The following ZNF384 variants were observed in gnomAD, a reference collection of about 807,000 sequenced individuals.
The protein encoded by ZNF384 is zinc finger protein 384, also known as CAG repeat protein 1.
A neutral mutation model predicts 65.0 loss-of-function variants in ZNF384; 20 were observed. The ratio of observed to expected loss-of-function variants is 0.31; its 90% CI spans 0.22 to 0.45. The LOEUF (loss-of-function observed/expected upper bound fraction) is 0.45. ZNF384 is among the 20% of genes least tolerant of loss of function. The pLI, the probability that ZNF384 is intolerant of heterozygous loss-of-function variation, is 1.00. For missense variants in ZNF384, 549 were observed against 769.4 expected, an observed-to-expected ratio of 0.71 and a Z score of 3.39; for synonymous variants, 310 against 303.9, an observed-to-expected ratio of 1.02 and a Z score of -0.21.
chr12:6,672,350 C>G lies in ZNF384; in HGVS notation c.1187G>C (p.Arg396Pro). The G allele has an allele frequency of 6.2e-7, 1 of 1,613,296 alleles. No homozygotes were observed. The highest frequency in any genetic ancestry group is 8.5e-7 in the Non-Finnish European group (1 of 1,179,564). ...RQLSHLQQHT[R>P]IHTGDRPYKC... ...TCAGTAGCCCGCCACTCTCCCTTACCGTGTGTGCTGCTGGAGGTGGGAGAG... is the reference window on the plus strand; with the variant it reads ...TCAGTAGCCCGCCACTCTCCCTTACGGTGTGTGCTGCTGGAGGTGGGAGAG... The change falls in exon 9 of 12, where the codon CGA (arginine) becomes CCA (proline). Residue 396 changes from arginine (R) to proline (P), a missense_variant and splice_region_variant. This residue lies in a region of ZNF384 where 38 missense variants were observed against 99.7 expected (regional missense o/e 0.38). Coordinates refer to ENST00000683879, the MANE Select transcript of ZNF384 (RefSeq NM_001385745.1). This position sits in a 1 kb window ranked among gnomAD's most constrained non-coding sequence, Gnocchi z 4.4.
chr12:6,686,864 C>G (rs1958107684), intron 2 of ZNF384, among the ~76,000 whole-genome samples: 1 of 152,102 alleles, frequency 6.6e-6, no homozygotes, highest in Admixed American at 6.6e-5. Context: ...CCAAAAGTAA[C>G]AAATCTATAG....
chr12:6,668,795 A>T (rs1950450202), intron 11 of ZNF384, among the ~76,000 whole-genome samples: 1 of 152,130 alleles, frequency 6.6e-6, no homozygotes, highest in Non-Finnish European at 1.5e-5. Flanking sequence ...ATTTTGCCTT[A>T]TGTTTAAGTA....
chr12:6,667,375 A>C lies in ZNF384; in HGVS notation c.*339T>G. On this transcript the variant is annotated 3_prime_UTR_variant, in exon 12 of 12. Coordinates refer to ENST00000683879, the MANE Select transcript of ZNF384 (RefSeq NM_001385745.1). ...CCCAAACTTTGAGGATAAGGAGGGT[A>C]AGGATAGGGTAAGTGGCCACACTGG... 2.2e-6 allele frequency: 1 copy of C among 457,230 alleles called. No homozygotes were observed. Among genetic ancestry groups the C allele is most frequent in the Non-Finnish European group, 4.1e-6 (1 of 245,950 alleles). The allele number at this position is 457,230 out of a possible 1,614,324, so 28.3% of individuals were successfully genotyped here.
rs61433902 is a variant in ZNF384 at position 6,673,958 on chromosome 12, G to A, written c.780-518C>T. ...TCCTTTTTGGCAGCGATTCCTAGAG[G>A]GATGGGGGTGAGGAAGTATCAGAAT... On this transcript the variant is annotated intron_variant, in intron 7 of 11. Transcript: ENST00000683879. The surrounding 1 kb of genome is among the most constrained non-coding windows in gnomAD (Gnocchi z 4.7). 7.4e-4 allele frequency among the ~76,000 whole-genome samples: 112 copies of A among 152,190 alleles called. No homozygotes were observed. The East Asian group carries it at 0.019, about 26-fold the overall frequency.
rs148231637 is a variant in ZNF384 at position 6,667,586 on chromosome 12, G to A, written c.*128C>T. ...GGATGGTATCCTGTGAAGGAAAGCC[G>A]TGACAGAGGCCCAAGGAGATGGAGC... On this transcript the variant is annotated 3_prime_UTR_variant, in exon 12 of 12. Coordinates refer to ENST00000683879, the MANE Select transcript of ZNF384 (RefSeq NM_001385745.1). 1.6e-3 allele frequency: 1,984 copies of A among 1,236,302 alleles called. 9 individuals are homozygous for A. In the Middle Eastern group the frequency reaches 0.017, roughly 11 times the overall value. 76.6% of individuals were successfully genotyped at this position (1,236,302 alleles called of 1,614,324 possible).
In ZNF384 at chr12:6,672,394, G is replaced by A. The variant is rs148283534; in HGVS notation, c.1143C>T (p.Cys381=). The stretch of plus-strand genomic sequence containing the variant: ...GGGAGAGCTGGCGGAAGGCCTTCTG[G>A]CAGTAGGAACAGTTGTAGGGCTTGG... ...SGAKPYNCSY[C]QKAFRQLSHL... The change falls in exon 9 of 12, where the codon TGC becomes TGT. Residue 381 remains cysteine, a synonymous_variant. Transcript: ENST00000683879. The surrounding 1 kb of genome is among the most constrained non-coding windows in gnomAD (Gnocchi z 4.4). 6.2e-6 allele frequency: 10 copies of A among 1,614,036 alleles called. No individual in the cohort carries two copies. Among genetic ancestry groups the A allele is most frequent in the Non-Finnish European group, 8.5e-6 (10 of 1,179,894 alleles).
rs758445017 is a variant in ZNF384, at chr12:6,667,762, G to A, written c.1779C>T (p.Leu593=). 1 of 1,614,232 alleles carries A rather than the reference G, an allele frequency of 6.2e-7. No individual in the cohort carries two copies. The highest frequency in any genetic ancestry group is 1.1e-5 in the South Asian group (1 of 91,084). Residue 593 remains leucine (L), a synonymous_variant, in exon 12 of 12, where the codon CTC becomes CTT. Transcript: ENST00000683879. ...KTAEHHKDIC[L]TVTTSTIQVE... is the part of the protein sequence containing the mutation. Reference sequence around the variant, plus strand: ...CCTGGATGGTGCTGGTGGTGACAGTGAGGCAGATGTCCTTATGATGCTCCG... The same window carrying A: ...CCTGGATGGTGCTGGTGGTGACAGTAAGGCAGATGTCCTTATGATGCTCCG...
intron 11 of ZNF384, 24 bp downstream of exon 11, chr12:6,669,005 AAG>A (rs1950530820): frequency 6.3e-7 from 1 of 1,582,500 alleles, no homozygotes; most frequent in Admixed American, 1.7e-5. Context: ...GACTATGAGG[AAG>A]GAGAGAAGAA....
intron 2 of ZNF384, among the ~76,000 whole-genome samples, chr12:6,681,218 A>C (rs1044232881): frequency 9.2e-5 from 14 of 152,260 alleles, no homozygotes; most frequent in African/African-American, 3.4e-4. Context: ...TCTCAAAAAA[A>C]AAAAAAAAAA....
Position 6,678,444 on chromosome 12 carries a change from G to A in ZNF384, c.369C>T (p.Ile123=). ...TCACAAGAGAGCCTGAGGGGGACGT[G>A]ATTACCAAACCCGGACCTAGGATTG... ...GSQSRGPGLV[I]TSPSGSLVTT... is the part of the protein sequence containing the mutation. Residue 123 remains isoleucine (I), a synonymous_variant, in exon 6 of 12, where the codon ATC becomes ATT. Coordinates refer to ENST00000683879, the MANE Select transcript of ZNF384 (RefSeq NM_001385745.1). This position sits in a 1 kb window ranked among gnomAD's most constrained non-coding sequence, Gnocchi z 4.9. 6.3e-7 allele frequency: 1 copy of A among 1,588,956 alleles called. No homozygotes were observed. The highest frequency in any genetic ancestry group is 8.6e-7 in the Non-Finnish European group (1 of 1,167,052).
chr12:6,678,348 T>A lies in ZNF384; in HGVS notation c.465A>T (p.Ser155=). The change falls in exon 6 of 12, where the codon TCA becomes TCT. Residue 155 remains serine (S), a synonymous_variant. Transcript: ENST00000683879. The surrounding 1 kb of genome is among the most constrained non-coding windows in gnomAD (Gnocchi z 4.9). The stretch of plus-strand genomic sequence containing the variant: ...GGTCAGGGACAACCTGCAGGGCTTG[T>A]GAGCCAGGGGGAAGAGCTGAGACAA... ...PMIVSALPPG[S]QALQVVPDLS... 6.2e-7 allele frequency: 1 copy of A among 1,614,016 alleles called. No homozygotes were observed. The highest frequency in any genetic ancestry group is 8.5e-7 in the Non-Finnish European group (1 of 1,179,978).
rs1237421840 is a variant in ZNF384, at chr12:6,673,560, T to C, written c.780-120A>G. ...GGTCTCTCCTACTCCAACTTGAGAG[T>C]AGAGCTCTATATATTCATCTTTATG... is the stretch of plus-strand genomic sequence containing the variant. On this transcript the variant is annotated intron_variant, in intron 7 of 11. Transcript: ENST00000683879. The surrounding 1 kb of genome is among the most constrained non-coding windows in gnomAD (Gnocchi z 4.7). 9.7e-6 allele frequency: 7 copies of C among 722,478 alleles called. No homozygotes were observed. 44.8% of individuals were successfully genotyped at this position (722,478 alleles called of 1,614,324 possible).
rs1225458986 is a variant in ZNF384 at position 6,678,415 on chromosome 12, G to C, written c.398C>G (p.Thr133Arg). 2 of 1,605,800 alleles carry C rather than the reference G, an allele frequency of 1.2e-6. No homozygotes were observed. Among genetic ancestry groups the C allele is most frequent in the African/African-American group, 2.7e-5 (2 of 74,808 alleles). ...ITSPSGSLVT[T>R]ASSAQTFPIS... ...GGGGAAGGTCTGAGCTGATGATGCT[G>C]TGGTCACAAGAGAGCCTGAGGGGGA... Residue 133 changes from threonine to arginine, a missense_variant, in exon 6 of 12, where the codon ACA becomes AGA. Physicochemically the swap from Thr to Arg is moderately conservative, Grantham distance 71. Around this residue, in one of 5 missense-constraint regions of ZNF384, gnomAD observed 277 missense variants for 337.2 expected, o/e 0.82. Transcript: ENST00000683879. The surrounding 1 kb of genome is among the most constrained non-coding windows in gnomAD (Gnocchi z 4.9).
rs1954383927 is a variant in ZNF384, at chr12:6,678,053, A to C, written c.686+74T>G. On this transcript the variant is annotated intron_variant, in intron 6 of 11. Transcript: ENST00000683879. The surrounding 1 kb of genome is among the most constrained non-coding windows in gnomAD (Gnocchi z 4.9). The stretch of plus-strand genomic sequence containing the variant: ...GAGTGTAGCGCCTGACCGGGGCAGA[A>C]CACAATGAGGGTACAGGGAGAATCA... The C allele has an allele frequency of 7.0e-7, 1 of 1,419,256 alleles. No individual in the cohort carries two copies. The highest frequency in any genetic ancestry group is 1.9e-5 in the Admixed American group (1 of 52,778). 87.9% of individuals were successfully genotyped at this position (1,419,256 alleles called of 1,614,324 possible).
chr12:6,677,942 C>A (rs915785368), intron 6 of ZNF384, among the ~76,000 whole-genome samples, 185 bp downstream of exon 6: 1 of 152,194 alleles, frequency 6.6e-6, no homozygotes, highest in Non-Finnish European at 1.5e-5. Context: ...TGGGTCTTTG[C>A]ATCCTAACAC....
Position 6,667,077 on chromosome 12 carries a change from A to G in ZNF384, c.*637T>C, listed in dbSNP as rs1312758345. On this transcript the variant is annotated 3_prime_UTR_variant, in exon 12 of 12. Transcript: ENST00000683879. Reference sequence around the variant, plus strand: ...AACACACACTTCTAAGCCACCTGTGACCAACTTGGGAATTTCTGGCCCCTT... The same window carrying G: ...AACACACACTTCTAAGCCACCTGTGGCCAACTTGGGAATTTCTGGCCCCTT... The G allele has an allele frequency of 4.3e-6, 1 of 233,134 alleles. No individual in the cohort carries two copies. The highest frequency in any genetic ancestry group is 8.5e-6 in the Non-Finnish European group (1 of 117,206). The allele number at this position is 233,134 out of a possible 1,614,324, so 14.4% of individuals were successfully genotyped here. A position where few individuals can be genotyped will look rare whatever the true frequency, so the allele number is the denominator to read the frequency against.
At chr12:6,671,758 C>T (rs866098315) in intron 9 of ZNF384, 23 of 152,640 alleles carry the variant, frequency 1.5e-4, no homozygotes, top group Admixed American at 9.2e-4. Context: ...CTAGTCACTC[C>T]AGATTCACGG....
At chr12:6,683,276 G>A (rs1956724140) in intron 2 of ZNF384, among the ~76,000 whole-genome samples, 1 of 151,294 alleles carries the variant, frequency 6.6e-6, no homozygotes, top group Non-Finnish European at 1.5e-5. Context: ...GGGCAACAGA[G>A]CAAGACTGTC....
In ZNF384 at chr12:6,685,628, C is replaced by T. The variant is rs551352721; in HGVS notation, c.-6+2539G>A. On this transcript the variant is annotated intron_variant, in intron 2 of 11. Transcript: ENST00000683879. ...TCTCTACTAAAATACAAAAAATTAGCTGGGCATGGTGGCATGCGCCTGTAA... is the reference window on the plus strand; with the variant it reads ...TCTCTACTAAAATACAAAAAATTAGTTGGGCATGGTGGCATGCGCCTGTAA... Among the ~76,000 whole-genome samples the T allele has an allele frequency of 3.3e-5, 5 of 152,110 alleles. No individual in the cohort carries two copies. In the South Asian group the frequency reaches 8.3e-4, roughly 25 times the overall value.
Sources: gnomAD v4.1 joint callset for allele counts (sites outside exome capture counted in the v4.1 genomes callset) on GRCh38, gnomAD v4.1.1 for gene constraint, gnomAD v4.1.1 regional missense constraint, Gnocchi (gnomAD v3.1) non-coding constraint, MANE v1.5 for transcripts, NCBI Gene and HGNC (gene_info 2026-07-23, HGNC 2026-07-21) for gene names.